The following EPS15L1 variants were observed in gnomAD, a reference collection of about 807,000 sequenced individuals.
EPS15L1 encodes epidermal growth factor receptor pathway substrate 15 like 1.
Under a neutral mutation model 117.1 loss-of-function variants are expected in EPS15L1, and 43 were observed. The observed-to-expected ratio is 0.37, with a 90% CI of 0.29 to 0.47. The LOEUF (loss-of-function observed/expected upper bound fraction) is 0.47, where lower values mean the gene tolerates loss of function less well. Ranked by LOEUF, EPS15L1 falls within the 20% of genes least tolerant of loss-of-function variation. EPS15L1 has a pLI of 0.99. For synonymous variants in EPS15L1, 459 were observed against 470.5 expected, an observed-to-expected ratio of 0.98 and a Z score of 0.32; for missense variants, 981 against 1,164.0, an observed-to-expected ratio of 0.84 and a Z score of 2.29.
Position 16,422,487 on chromosome 19 carries a change from T to C in EPS15L1, c.793-1011A>G, listed in dbSNP as rs928543514. Among the ~76,000 whole-genome samples, 4 of 152,234 alleles carry C rather than the reference T, an allele frequency of 2.6e-5. No homozygotes were observed. In the South Asian group the frequency reaches 6.2e-4, roughly 24 times the overall value. The stretch of plus-strand genomic sequence containing the variant: ...AATAGCAATGAGAATAAACACCTGA[T>C]TGAATTATCTAGATGATGAGGGAGT... On this transcript the variant is annotated intron_variant, in intron 9 of 23. Coordinates refer to ENST00000455140, the MANE Select transcript of EPS15L1 (RefSeq NM_001258374.3).
At position 16,365,164 on chromosome 19, in the gene EPS15L1, G is replaced by A. The variant is rs964339238; in HGVS notation, c.2381-3180C>T. The stretch of plus-strand genomic sequence containing the variant: ...TGCCTGTGTTCAGCTCTGCAGCCAA[G>A]CCCTGGGGCTGGGAGTGGCCCTGGA... On this transcript the variant is annotated intron_variant, in intron 22 of 23. Coordinates refer to ENST00000455140, the MANE Select transcript of EPS15L1 (RefSeq NM_001258374.3). The surrounding 1 kb of genome is among the most constrained non-coding windows in gnomAD (Gnocchi z 4.9). Among the ~76,000 whole-genome samples, 9 of 152,230 alleles carry A rather than the reference G, an allele frequency of 5.9e-5. No homozygotes were observed. The highest frequency in any genetic ancestry group is 1.7e-4 in the African/African-American group (7 of 41,456).
rs2144682938 is a variant in EPS15L1, at chr19:16,373,236, G to T, written c.2380+3886C>A. ...AGGCTCGACCGCCAGGCTCACAGGG[G>T]GTCGCATTTCACCTTCCTCCTCACT... is the stretch of plus-strand genomic sequence containing the variant. On this transcript the variant is annotated intron_variant, in intron 22 of 23. Coordinates refer to ENST00000455140, the MANE Select transcript of EPS15L1 (RefSeq NM_001258374.3). 2.0e-5 allele frequency among the ~76,000 whole-genome samples: 3 copies of T among 152,198 alleles called. No individual in the cohort carries two copies. The South Asian group carries it at 6.2e-4, about 32-fold the overall frequency.
At chr19:16,389,118 G>A (rs534853255) in intron 19 of EPS15L1, among the ~76,000 whole-genome samples, 58 of 151,090 alleles carry the variant, frequency 3.8e-4, no homozygotes, top group South Asian at 3.8e-3. Context: ...ACCAGAAATC[G>A]CTTGAACTTG....
intron 16 of EPS15L1, among the ~76,000 whole-genome samples, chr19:16,396,210 T>C (rs1418509540): frequency 6.6e-6 from 1 of 152,220 alleles, no homozygotes; most frequent in Non-Finnish European, 1.5e-5. Flanking sequence ...ATATATGATG[T>C]GACTAACAGG....
At chr19:16,364,968 G>A (rs2092113514) in intron 22 of EPS15L1, among the ~76,000 whole-genome samples, 1 of 152,228 alleles carries the variant, frequency 6.6e-6, no homozygotes, top group African/African-American at 2.4e-5. Context: ...CTCCCGCTTG[G>A]GGATGACACC....
At position 16,456,597 on chromosome 19, in the gene EPS15L1, G is replaced by T. The variant is rs527793652; in HGVS notation, c.34-14378C>A. Among the ~76,000 whole-genome samples, 3 of 152,208 alleles carry T rather than the reference G, an allele frequency of 2.0e-5. No homozygotes were observed. The East Asian group carries it at 5.8e-4, about 29-fold the overall frequency. On this transcript the variant is annotated intron_variant, in intron 1 of 23. Transcript: ENST00000455140. ...GCTTGAACCCAGGAGGCTAGAGGTT[G>T]CAGTGAGCCAAGATGATGCCATTGC...
In EPS15L1 at chr19:16,471,706, G is replaced by C. The variant is rs1364565205; in HGVS notation, c.33+207C>G. Among the ~76,000 whole-genome samples the C allele has an allele frequency of 2.0e-5, 3 of 151,802 alleles. No individual in the cohort carries two copies. Among genetic ancestry groups the C allele is most frequent in the African/African-American group, 7.2e-5 (3 of 41,380 alleles). ...CGCTGCGCACCTCCTCGCCTCGCCGGTGCCCGCGAGGGTCGCTCGGGCACG... is the reference window on the plus strand; with the variant it reads ...CGCTGCGCACCTCCTCGCCTCGCCGCTGCCCGCGAGGGTCGCTCGGGCACG... On this transcript the variant is annotated intron_variant, in intron 1 of 23. Transcript: ENST00000455140. This position sits in a 1 kb window ranked among gnomAD's most constrained non-coding sequence, Gnocchi z 4.8.
rs1324017257 is a variant in EPS15L1 at position 16,421,495 on chromosome 19, A to G, written c.793-19T>C. On this transcript the variant is annotated intron_variant, in intron 9 of 23. Coordinates refer to ENST00000455140, the MANE Select transcript of EPS15L1 (RefSeq NM_001258374.3). ...CTGTTGGCTGAAACAGTTTTTGGCA[A>G]AACAGTTAATCTGGAAGCTTTTTAT... The G allele has an allele frequency of 6.3e-7, 1 of 1,599,568 alleles. No homozygotes were observed. Among genetic ancestry groups the G allele is most frequent in the African/African-American group, 1.3e-5 (1 of 74,714 alleles).
intron 4 of EPS15L1, among the ~76,000 whole-genome samples, chr19:16,439,214 G>A (rs2093006424): frequency 6.6e-6 from 1 of 151,982 alleles, no homozygotes; most frequent in Admixed American, 6.6e-5. Context: ...AGAAGCCCTT[G>A]CAGAGTGTAG....
chr19:16,439,899 G>GT (rs2093013350), intron 4 of EPS15L1, among the ~76,000 whole-genome samples: 1 of 150,850 alleles, frequency 6.6e-6, no homozygotes, highest in African/African-American at 2.4e-5. Flanking sequence ...CAAATGCTTG[G>GT]TATCAGAAGA....
chr19:16,395,190 G>A (rs2092526569), intron 17 of EPS15L1, among the ~76,000 whole-genome samples, 154 bp downstream of exon 17: 1 of 142,270 alleles, frequency 7.0e-6, no homozygotes, highest in South Asian at 2.2e-4. Context: ...AAGAGAGCGA[G>A]AGTTCGTCTC....
intron 1 of EPS15L1, among the ~76,000 whole-genome samples, chr19:16,444,259 G>A (rs1049532580): frequency 2.0e-5 from 3 of 151,490 alleles, no homozygotes; most frequent in Non-Finnish European, 2.9e-5. Flanking sequence ...AAAAGCCAGA[G>A]ATTTAGGAGC....
chr19:16,460,994 G>A (rs1045804336), intron 1 of EPS15L1, among the ~76,000 whole-genome samples: 4 of 152,114 alleles, frequency 2.6e-5, no homozygotes, highest in South Asian at 2.1e-4. Flanking sequence ...TGAAAAGCAC[G>A]TCCTCTTCAG....
In EPS15L1 at chr19:16,393,980, G is replaced by C. The variant is rs764120479; in HGVS notation, c.1937C>G (p.Pro646Arg). Residue 646 changes from proline to arginine, a missense_variant, in exon 18 of 24, where the codon CCC becomes CGC. This residue lies in a region of EPS15L1 where 819 missense variants were observed against 949.0 expected (regional missense o/e 0.86). Coordinates refer to ENST00000455140, the MANE Select transcript of EPS15L1 (RefSeq NM_001258374.3). ...PFKGDPFQND[P>R]FAEQQTTSTD... Reference sequence around the variant, plus strand: ...TGAAGTTGTCTGCTGTTCTGCAAAGGGGTCATTCTGGAACGGGTCGCCTGG... The same window carrying C: ...TGAAGTTGTCTGCTGTTCTGCAAAGCGGTCATTCTGGAACGGGTCGCCTGG... 6.2e-7 allele frequency: 1 copy of C among 1,613,968 alleles called. No individual in the cohort carries two copies. Among genetic ancestry groups the C allele is most frequent in the East Asian group, 2.2e-5 (1 of 44,898 alleles).
chr19:16,374,019 T>A (rs751408213), intron 22 of EPS15L1, among the ~76,000 whole-genome samples: 2 of 152,218 alleles, frequency 1.3e-5, no homozygotes, highest in Non-Finnish European at 2.9e-5. Context: ...CTGCAGTTGC[T>A]CCGGACTTAA....
intron 19 of EPS15L1, among the ~76,000 whole-genome samples, chr19:16,391,622 C>T (rs910430438): frequency 7.6e-5 from 10 of 131,712 alleles, no homozygotes; most frequent in Admixed American, 3.1e-4. Context: ...ACCGAGGCTG[C>T]TTTTTTTTTT....
rs1252463307 is a variant in EPS15L1 at position 16,471,558 on chromosome 19, G to A, written c.33+355C>T. On this transcript the variant is annotated intron_variant, in intron 1 of 23. Transcript: ENST00000455140. This position sits in a 1 kb window ranked among gnomAD's most constrained non-coding sequence, Gnocchi z 4.8. ...GGAGACAAAGACTCGCTGGGCCGCC[G>A]CGCCGACAGAAACGCTCGCACCCCT... is the stretch of plus-strand genomic sequence containing the variant. Among the ~76,000 whole-genome samples, 1 of 152,148 alleles carries A rather than the reference G, an allele frequency of 6.6e-6. No homozygotes were observed. Among genetic ancestry groups the A allele is most frequent in the Non-Finnish European group, 1.5e-5 (1 of 68,004 alleles).
chr19:16,446,015 G>A (rs1171323260), intron 1 of EPS15L1, among the ~76,000 whole-genome samples: 1 of 152,204 alleles, frequency 6.6e-6, no homozygotes, highest in East Asian at 1.9e-4. Flanking sequence ...AAAATGCTAA[G>A]AGACAACATG....
intron 4 of EPS15L1, among the ~76,000 whole-genome samples, chr19:16,438,575 C>T (rs1215022951): frequency 6.6e-6 from 1 of 152,134 alleles, no homozygotes; most frequent in African/African-American, 2.4e-5. Context: ...CACTCTGTCA[C>T]CCAGAGTGCA....
Sources: allele counts gnomAD v4.1 joint callset (sites outside exome capture counted in the v4.1 genomes callset), GRCh38; gene constraint gnomAD v4.1.1; regional missense constraint gnomAD v4.1.1; non-coding constraint Gnocchi (gnomAD v3.1); transcripts MANE v1.5; gene names NCBI Gene and HGNC (gene_info 2026-07-23, HGNC 2026-07-21).